The following ASIC2 variants were observed in gnomAD, a reference collection of about 807,000 sequenced individuals.
The protein encoded by ASIC2 is acid-sensing ion channel 2.
In ASIC2, 25 loss-of-function variants were observed where a neutral mutation model predicts 57.3. The observed-to-expected ratio is 0.44, with a 90% confidence interval of 0.32 to 0.61. The LOEUF is 0.61. Ranked by LOEUF, ASIC2 falls within the 20% of genes least tolerant of loss-of-function variation. ASIC2 has a pLI of 0.06. For synonymous variants in ASIC2, 319 were observed against 307.5 expected, an observed-to-expected ratio of 1.04 and a Z score of -0.39; for missense variants, 641 against 738.1, an observed-to-expected ratio of 0.87 and a Z score of 1.52.
intron 1 of ASIC2, among the ~76,000 whole-genome samples, chr17:33,947,550 CAG>C (rs1904422447): frequency 6.6e-6 from 1 of 152,044 alleles, no homozygotes; most frequent in Admixed American, 6.6e-5. Context: ...GTTCACAAAA[CAG>C]AGAAATGGAG....
At chr17:34,025,936 A>G (rs564794051) in intron 1 of ASIC2, among the ~76,000 whole-genome samples, 2 of 152,366 alleles carry the variant, frequency 1.3e-5, no homozygotes, top group African/African-American at 4.8e-5. Flanking sequence ...TTATCATAGC[A>G]GCTGTGCAAC....
intron 1 of ASIC2, among the ~76,000 whole-genome samples, chr17:33,737,109 GT>G (rs1450094255): frequency 6.6e-6 from 1 of 152,224 alleles, no homozygotes; most frequent in Non-Finnish European, 1.5e-5. Flanking sequence ...TTGTTTCCAA[GT>G]TTTTGCTAAT....
chr17:33,339,751 T>C (rs997064029), intron 1 of ASIC2, among the ~76,000 whole-genome samples: 74 of 152,326 alleles, frequency 4.9e-4, no homozygotes, highest in African/African-American at 1.7e-3. Context: ...GATGACTCCC[T>C]AACTCCTGAC....
At chr17:33,878,022 C>T (rs1914596720) in intron 1 of ASIC2, among the ~76,000 whole-genome samples, 1 of 152,228 alleles carries the variant, frequency 6.6e-6, no homozygotes, top group South Asian at 2.1e-4. Flanking sequence ...CTCCAGCGAA[C>T]TCCAACAGAC....
chr17:33,051,686 A>C (rs1175241481), intron 3 of ASIC2, among the ~76,000 whole-genome samples: 1 of 152,138 alleles, frequency 6.6e-6, no homozygotes, highest in African/African-American at 2.4e-5. Flanking sequence ...GTGAAATAGG[A>C]ATACCATTCT....
chr17:33,432,686 C>T (rs1911461299), intron 1 of ASIC2, among the ~76,000 whole-genome samples: 1 of 152,152 alleles, frequency 6.6e-6, no homozygotes, highest in African/African-American at 2.4e-5. Flanking sequence ...AGTCTTCTGG[C>T]TAACAGTAGA....
intron 1 of ASIC2, among the ~76,000 whole-genome samples, chr17:33,229,341 T>A (rs1908004514): frequency 6.6e-6 from 1 of 152,208 alleles, no homozygotes; most frequent in South Asian, 2.1e-4. Context: ...AACACCACTG[T>A]GCTGAGAGCT....
chr17:34,092,373 T>C (rs1178347845), intron 1 of ASIC2, among the ~76,000 whole-genome samples: 1 of 152,200 alleles, frequency 6.6e-6, no homozygotes, highest in African/African-American at 2.4e-5. Context: ...AAGGCCACTT[T>C]TCTCTGTAGA....
chr17:33,966,937 C>T (rs1486180841), intron 1 of ASIC2, among the ~76,000 whole-genome samples: 1 of 152,102 alleles, frequency 6.6e-6, no homozygotes, highest in East Asian at 1.9e-4. Flanking sequence ...TCCTCCTAGC[C>T]CAAATGTGGG....
intron 1 of ASIC2, among the ~76,000 whole-genome samples, chr17:33,583,013 T>C (rs1904492657): frequency 6.6e-6 from 1 of 152,314 alleles, no homozygotes; most frequent in Non-Finnish European, 1.5e-5. Flanking sequence ...GGGCTGGCTC[T>C]CACCCTGCCC....
At chr17:33,126,221 G>A (rs1760677790) in intron 1 of ASIC2, among the ~76,000 whole-genome samples, 1 of 152,204 alleles carries the variant, frequency 6.6e-6, no homozygotes, top group African/African-American at 2.4e-5. Context: ...AAAGAGCACA[G>A]GCTTTTTTAC....
At chr17:34,078,396 A>C (rs1415646128) in intron 1 of ASIC2, among the ~76,000 whole-genome samples, 1 of 152,164 alleles carries the variant, frequency 6.6e-6, no homozygotes, top group East Asian at 1.9e-4. Flanking sequence ...TGAGGGGGCG[A>C]AAGAACATAG....
chr17:34,051,811 T>G (rs553915388), intron 1 of ASIC2: 2 of 149,094 alleles, frequency 1.3e-5, no homozygotes, highest in African/African-American at 5.0e-5. Flanking sequence ...ATAATTAGAA[T>G]TTTCTGAACA....
At chr17:33,514,461 G>A (rs141142465) in intron 1 of ASIC2, among the ~76,000 whole-genome samples, 2 of 152,248 alleles carry the variant, frequency 1.3e-5, no homozygotes, top group East Asian at 3.9e-4. Flanking sequence ...GAATGTGGGA[G>A]GAATTAGGAA....
intron 1 of ASIC2, among the ~76,000 whole-genome samples, chr17:33,216,518 G>A (rs556892782): frequency 6.6e-6 from 1 of 152,308 alleles, no homozygotes; most frequent in African/African-American, 2.4e-5. Flanking sequence ...ACGAGGAGGT[G>A]TTAGGCAAGG....
chr17:33,136,744 A>G (rs541055054), intron 1 of ASIC2, among the ~76,000 whole-genome samples: 1 of 152,306 alleles, frequency 6.6e-6, no homozygotes, highest in Admixed American at 6.5e-5. Flanking sequence ...ACCATTGCTC[A>G]CCCACGGAAC....
At chr17:33,536,004 C>G (rs939464025) in intron 1 of ASIC2, among the ~76,000 whole-genome samples, 5 of 152,200 alleles carry the variant, frequency 3.3e-5, no homozygotes, top group African/African-American at 1.2e-4. Flanking sequence ...GAGGTGCATT[C>G]TCTTCACTGC....
intron 1 of ASIC2, among the ~76,000 whole-genome samples, chr17:33,873,970 T>G (rs1454167959): frequency 6.6e-6 from 1 of 152,254 alleles, no homozygotes. Flanking sequence ...GAACCAGTTC[T>G]TTCAGGCTGA....
rs1466832346 is a variant in ASIC2 at position 33,393,656 on chromosome 17, T to C, written c.556-281589A>G. 3.9e-5 allele frequency among the ~76,000 whole-genome samples: 6 copies of C among 152,040 alleles called. No homozygotes were observed. The East Asian group carries it at 1.2e-3, about 29-fold the overall frequency. On this transcript the variant is annotated intron_variant, in intron 1 of 9. Coordinates refer to the ASIC2 transcript ENST00000359872. ...TCATAGGGCTGTGGAGAGGATGAAG[T>C]AGGGGAATATATGTGCTGAAAGGAA...
Sources: gnomAD v4.1 joint callset for allele counts (sites outside exome capture counted in the v4.1 genomes callset) on GRCh38, gnomAD v4.1.1 for gene constraint, MANE v1.5 for transcripts, NCBI Gene and HGNC (gene_info 2026-07-23, HGNC 2026-07-21) for gene names.